DPF3: variants seen among roughly 807,000 people sequenced by gnomAD.
DPF3 encodes the protein zinc finger protein DPF3.
Under a neutral mutation model 56.8 loss-of-function variants are expected in DPF3, and 18 were observed. The observed-to-expected ratio is 0.32, with a 90% CI of 0.22 to 0.47. The LOEUF is 0.47. Among genes scored for constraint, DPF3 ranks in the 20% least tolerant of loss-of-function variants. The pLI, the probability that DPF3 is intolerant of heterozygous loss-of-function variation, is 1.00. For synonymous variants in DPF3, 188 were observed against 180.2 expected (o/e 1.04, Z -0.35); for missense variants, 403 against 488.8 (o/e 0.82, Z 1.65).
intron 5 of DPF3, among the ~76,000 whole-genome samples, chr14:72,720,023 A>T (rs1417379653): frequency 6.6e-6 from 1 of 151,788 alleles, no homozygotes; most frequent in South Asian, 2.1e-4. Flanking sequence ...ATTCTCATTA[A>T]TCTAGTGTGG....
intron 5 of DPF3, among the ~76,000 whole-genome samples, chr14:72,722,977 T>A (rs1889243294): frequency 6.6e-6 from 1 of 152,030 alleles, no homozygotes; most frequent in African/African-American, 2.4e-5. Context: ...AGCCACCAGC[T>A]GCAGCCCCCT....
chr14:72,892,028 C>A (rs1211871275), intron 1 of DPF3: 5 of 1,073,624 alleles, frequency 4.7e-6, no homozygotes, highest in Non-Finnish European at 6.1e-6. Flanking sequence ...ACGCACCCTA[C>A]TGTGATCCAA....
At chr14:72,639,937 T>C (rs1377052332) in intron 8 of DPF3, among the ~76,000 whole-genome samples, 2 of 150,344 alleles carry the variant, frequency 1.3e-5, no homozygotes, top group African/African-American at 4.9e-5. Context: ...ATGAATGAAG[T>C]TCCTACAGAT....
intron 3 of DPF3, among the ~76,000 whole-genome samples, chr14:72,734,545 A>G (rs1279445670): frequency 6.6e-6 from 1 of 152,228 alleles, no homozygotes; most frequent in Non-Finnish European, 1.5e-5. Context: ...AATCATATAT[A>G]CATAGAGTTG....
chr14:72,795,434 A>G (rs1238916426), intron 1 of DPF3, among the ~76,000 whole-genome samples: 1 of 151,918 alleles, frequency 6.6e-6, no homozygotes, highest in Non-Finnish European at 1.5e-5. Context: ...ATCTGTGTGA[A>G]CTTCCATTTT....
intron 8 of DPF3, chr14:72,662,958 A>G: frequency 3.0e-6 from 2 of 669,502 alleles, no homozygotes; most frequent in Non-Finnish European, 3.7e-6. Flanking sequence ...AAAGAAGAAG[A>G]AAGAAAGAAA....
rs1054225888 is a variant in DPF3, at chr14:72,612,369, C to T, written c.*6928G>A. On this transcript the variant is annotated 3_prime_UTR_variant, in exon 11 of 11. Coordinates refer to ENST00000556509, the MANE Select transcript of DPF3 (RefSeq NM_001280542.3). ...AGCCACCTGCTCCCCACCTCCTCTGCTCTGAGATAATCATTCTATATTTTC... is the reference window on the plus strand; with the variant it reads ...AGCCACCTGCTCCCCACCTCCTCTGTTCTGAGATAATCATTCTATATTTTC... 2.1e-6 allele frequency: 1 copy of T among 473,342 alleles called. No homozygotes were observed. Among genetic ancestry groups the T allele is most frequent in the Non-Finnish European group, 4.2e-6 (1 of 236,520 alleles). 29.3% of individuals were successfully genotyped at this position (473,342 alleles called of 1,614,324 possible).
chr14:72,670,490 G>A (rs746401829), intron 8 of DPF3: 333 of 986,076 alleles, frequency 3.4e-4, no homozygotes, highest in Non-Finnish European at 3.8e-4. Context: ...GAAAGGTCAG[G>A]GAGGAGAATG....
chr14:72,670,173 C>A, intron 8 of DPF3: 1 of 985,886 alleles, frequency 1.0e-6, no homozygotes. Flanking sequence ...TTAACAGGGG[C>A]AAGGGGAGGG....
chr14:72,684,883 C>T (rs1045975258), intron 7 of DPF3, among the ~76,000 whole-genome samples: 4 of 152,072 alleles, frequency 2.6e-5, no homozygotes, highest in Admixed American at 2.0e-4. Flanking sequence ...GTGGGGTCCT[C>T]GTAATGAAAT....
chr14:72,714,555 C>G (rs1888821749), intron 5 of DPF3, 54 bp from the exon 6 acceptor site: 5 of 1,597,316 alleles, frequency 3.1e-6, no homozygotes. Flanking sequence ...CACTACAGCT[C>G]CGGAGCATGC....
chr14:72,706,006 T>C (rs914193244), intron 6 of DPF3, among the ~76,000 whole-genome samples: 1 of 152,224 alleles, frequency 6.6e-6, no homozygotes, highest in African/African-American at 2.4e-5. Context: ...TTATTCACTA[T>C]GTGACCTCAG....
In DPF3 at chr14:72,771,856, A is replaced by C; in HGVS notation, c.70T>G (p.Cys24Gly). 6.2e-7 allele frequency: 1 copy of C among 1,610,014 alleles called. No homozygotes were observed. The highest frequency in any genetic ancestry group is 8.5e-7 in the Non-Finnish European group (1 of 1,177,932). ...DQFYKEAIEH[C>G]RSYNSRLCAE... ...CACAGCCGTGAGTTGTAACTCCGGC[A>C]GTGCTCAATGGCTTCCTTGTAGAAC... The change falls in exon 2 of 11, where the codon TGC becomes GGC. Residue 24 changes from cysteine (C) to glycine (G), a missense_variant. Cys to Gly is a radical substitution (Grantham distance 159). Around this residue, in one of 2 missense-constraint regions of DPF3, gnomAD observed 340 missense variants for 374.3 expected, o/e 0.91. Transcript: ENST00000556509.
chr14:72,661,300 G>A (rs906300747), intron 8 of DPF3: 15 of 985,360 alleles, frequency 1.5e-5, no homozygotes, highest in Middle Eastern at 5.2e-4. Flanking sequence ...CTTTGAACAG[G>A]AAACCTGAAA....
intron 1 of DPF3, among the ~76,000 whole-genome samples, chr14:72,884,971 T>TATATATATATATATATACACATATA (rs10523148): frequency 1.8e-5 from 2 of 111,686 alleles, no homozygotes; most frequent in East Asian, 3.0e-4. Context: ...TATATATATA[T>TATATATATATATATATACACATATA]TAGCCGGGCG....
At position 72,752,784 on chromosome 14, in the gene DPF3, G is replaced by C. The variant is rs556651238; in HGVS notation, c.301+480C>G. Among the ~76,000 whole-genome samples the C allele has an allele frequency of 2.6e-5, 4 of 152,288 alleles. No homozygotes were observed. In the South Asian group the frequency reaches 8.3e-4, roughly 32 times the overall value. On this transcript the variant is annotated intron_variant, in intron 3 of 10. Transcript: ENST00000556509. Reference sequence around the variant, plus strand: ...TCAAACTCTTCCATCCTCATCCAAGGTAAGTGCAATTTTTAGTGAATTGGC... The same window carrying C: ...TCAAACTCTTCCATCCTCATCCAAGCTAAGTGCAATTTTTAGTGAATTGGC...
intron 1 of DPF3, among the ~76,000 whole-genome samples, chr14:72,885,752 A>G (rs1189151021): frequency 2.0e-5 from 3 of 152,188 alleles, no homozygotes; most frequent in Non-Finnish European, 4.4e-5. Flanking sequence ...TGAAAACCCA[A>G]AAGAAATGAA....
chr14:72,817,502 AAAT>A (rs1196412071), intron 1 of DPF3, among the ~76,000 whole-genome samples: 1 of 152,134 alleles, frequency 6.6e-6, no homozygotes. Flanking sequence ...CTCAACTAAA[AAAT>A]AATAATAATA....
chr14:72,786,000 G>A (rs1370851680), intron 1 of DPF3, among the ~76,000 whole-genome samples: 3 of 152,212 alleles, frequency 2.0e-5, no homozygotes, highest in African/African-American at 4.8e-5. Flanking sequence ...AGTGGCTCAC[G>A]CCTGTAATGC....
Sources: gnomAD v4.1 joint callset for allele counts (sites outside exome capture counted in the v4.1 genomes callset) on GRCh38, gnomAD v4.1.1 for gene constraint, gnomAD v4.1.1 regional missense constraint, MANE v1.5 for transcripts, NCBI Gene and HGNC (gene_info 2026-07-23, HGNC 2026-07-21) for gene names.